The following SIK3 variants were observed in gnomAD, a reference collection of about 807,000 sequenced individuals.
The protein encoded by SIK3 is serine/threonine-protein kinase SIK3.
SIK3 carries 28 observed loss-of-function variants against 144.2 expected under a neutral mutation model. The observed-to-expected ratio is 0.19, with a 90% CI of 0.14 to 0.27. The LOEUF is 0.27. Ranked by LOEUF, SIK3 falls within the 10% of genes least tolerant of loss-of-function variation. SIK3 has a pLI of 1.00. For missense variants in SIK3, 1,319 were observed against 1,776.0 expected (o/e 0.74, Z 4.62); for synonymous variants, 686 against 676.3 (o/e 1.01, Z -0.22).
intron 1 of SIK3, among the ~76,000 whole-genome samples, chr11:116,983,666 A>C (rs1400967250): frequency 1.3e-5 from 2 of 152,250 alleles, no homozygotes; most frequent in Non-Finnish European, 2.9e-5. Context: ...GAGGGAATTT[A>C]AACTTATTAG....
chr11:116,925,272 G>A (rs917821579), intron 4 of SIK3, among the ~76,000 whole-genome samples: 1 of 152,122 alleles, frequency 6.6e-6, no homozygotes, highest in South Asian at 2.1e-4. Flanking sequence ...AAAAAAGGTG[G>A]GGGTGGGAGA....
chr11:116,909,878 C>CA (rs769508260), intron 4 of SIK3, among the ~76,000 whole-genome samples: 18 of 152,250 alleles, frequency 1.2e-4, no homozygotes, highest in African/African-American at 3.4e-4. Context: ...CTTGGTAAGA[C>CA]AGAGATCTCA....
intron 15 of SIK3, among the ~76,000 whole-genome samples, chr11:116,865,330 G>A (rs1368978060): frequency 6.6e-6 from 1 of 152,082 alleles, no homozygotes; most frequent in Non-Finnish European, 1.5e-5. Context: ...CCCAGGTCCA[G>A]GTATTTCATG....
chr11:117,008,760 T>C (rs1951144513), intron 1 of SIK3, among the ~76,000 whole-genome samples: 1 of 152,108 alleles, frequency 6.6e-6, no homozygotes, highest in Non-Finnish European at 1.5e-5. Context: ...CAGCACAGAG[T>C]TATGGCTTCT....
At chr11:117,033,989 C>A (rs916004434) in intron 1 of SIK3, among the ~76,000 whole-genome samples, 1 of 152,042 alleles carries the variant, frequency 6.6e-6, no homozygotes, top group South Asian at 2.1e-4. Context: ...AATAATCCCA[C>A]GTTCTTCATA....
chr11:116,981,916 T>C (rs1950152760), intron 1 of SIK3, among the ~76,000 whole-genome samples: 1 of 152,126 alleles, frequency 6.6e-6, no homozygotes, highest in Admixed American at 6.5e-5. Context: ...CATAACCAAA[T>C]AGGAATACTT....
chr11:116,941,730 G>A (rs891951558), intron 3 of SIK3, among the ~76,000 whole-genome samples: 4 of 152,154 alleles, frequency 2.6e-5, no homozygotes, highest in Non-Finnish European at 4.4e-5. Context: ...TCTTAAATTA[G>A]TAATTTGTTT....
At chr11:116,948,682 A>C (rs1314030182) in intron 3 of SIK3, among the ~76,000 whole-genome samples, 1 of 152,112 alleles carries the variant, frequency 6.6e-6, no homozygotes, top group Non-Finnish European at 1.5e-5. Flanking sequence ...AATCTAGCTA[A>C]AGATCTGTCA....
intron 7 of SIK3, among the ~76,000 whole-genome samples, 186 bp from the exon 8 acceptor site, chr11:116,876,549 C>T (rs989208294): frequency 1.3e-5 from 2 of 152,200 alleles, no homozygotes; most frequent in East Asian, 1.9e-4. Context: ...GTTTCCTGAG[C>T]TCCCTGGCAT....
chr11:117,000,209 C>T (rs892663100), intron 1 of SIK3, among the ~76,000 whole-genome samples: 5 of 152,174 alleles, frequency 3.3e-5, no homozygotes, highest in African/African-American at 1.2e-4. Context: ...TATGGAATAA[C>T]ACTGTTCTAC....
chr11:117,056,530 TATATAGATAG>T (rs1344922465), intron 1 of SIK3, among the ~76,000 whole-genome samples: 11 of 144,068 alleles, frequency 7.6e-5, no homozygotes, highest in South Asian at 4.4e-4. Flanking sequence ...ATAATAAAAA[TATATAGATAG>T]ATATAGATAT....
At chr11:117,066,464 T>C (rs1010342295) in intron 1 of SIK3, among the ~76,000 whole-genome samples, 2 of 151,808 alleles carry the variant, frequency 1.3e-5, no homozygotes, top group East Asian at 3.9e-4. Flanking sequence ...GCGTAAAGCA[T>C]TTATATAACA....
At chr11:117,046,683 A>C (rs1952980287) in intron 1 of SIK3, among the ~76,000 whole-genome samples, 1 of 152,202 alleles carries the variant, frequency 6.6e-6, no homozygotes, top group African/African-American at 2.4e-5. Context: ...GTTCAAGACC[A>C]GCCTGAGCCA....
chr11:117,023,621 A>AAAAAAATATATATATATATATATAT (rs754624841), intron 1 of SIK3, among the ~76,000 whole-genome samples: 3 of 95,414 alleles, frequency 3.1e-5, no homozygotes, highest in East Asian at 3.1e-4. Flanking sequence ...AAAAAAAAAA[A>AAAAAAATATATATATATATATATAT]ATATATATAT....
At chr11:116,987,079 G>A (rs1591484407) in intron 1 of SIK3, among the ~76,000 whole-genome samples, 1 of 152,034 alleles carries the variant, frequency 6.6e-6, no homozygotes, top group Admixed American at 6.6e-5. Flanking sequence ...CTAGTGAACC[G>A]TACACTTAAA....
intron 1 of SIK3, among the ~76,000 whole-genome samples, chr11:117,033,531 C>T (rs986414679): frequency 6.6e-6 from 1 of 151,778 alleles, no homozygotes; most frequent in Admixed American, 6.6e-5. Flanking sequence ...GAAACCTCGT[C>T]TCTACTAAAA....
At chr11:116,941,012 T>C (rs888475157) in intron 3 of SIK3, among the ~76,000 whole-genome samples, 1 of 151,890 alleles carries the variant, frequency 6.6e-6, no homozygotes, top group Non-Finnish European at 1.5e-5. Flanking sequence ...GTTTGTTTTG[T>C]TTTGATTTTT....
chr11:116,999,562 G>GT (rs1179743230), intron 1 of SIK3, among the ~76,000 whole-genome samples: 1 of 151,702 alleles, frequency 6.6e-6, no homozygotes, highest in African/African-American at 2.4e-5. Flanking sequence ...TCATCTCTTT[G>GT]TTTTTTGTGG....
rs1274106943 is a variant in SIK3 at position 117,076,531 on chromosome 11, AT to A, written c.273+21611del. On this transcript the variant is annotated intron_variant, in intron 1 of 24. Transcript: ENST00000445177. ...TTTAAATGATATTGCCTTAAACACA[AT>A]TTTTTTTTTTTCGAGATGGAGTCTC... Among the ~76,000 whole-genome samples, 1,096 of 146,856 alleles carry A rather than the reference AT, an allele frequency of 7.5e-3. 17 individuals carry two copies. The highest frequency in any genetic ancestry group is 0.024 in the African/African-American group (974 of 40,286).
Sources: gnomAD v4.1 joint callset for allele counts (sites outside exome capture counted in the v4.1 genomes callset) on GRCh38, gnomAD v4.1.1 for gene constraint, MANE v1.5 for transcripts, NCBI Gene and HGNC (gene_info 2026-07-23, HGNC 2026-07-21) for gene names.